Variants in GPC6 observed in about 807,000 individuals in gnomAD.
The protein encoded by GPC6 is glypican-6.
In GPC6, 14 loss-of-function variants were observed where a neutral mutation model predicts 55.2. The observed-to-expected ratio is 0.25, with a 90% CI of 0.17 to 0.40. The LOEUF (loss-of-function observed/expected upper bound fraction) is 0.40, where lower values mean the gene tolerates loss of function less well. Ranked by LOEUF, GPC6 falls within the 10% of genes least tolerant of loss-of-function variation. GPC6 has a pLI of 1.00. For missense variants in GPC6, 641 were observed against 708.5 expected (o/e 0.90, Z 1.08); for synonymous variants, 278 against 259.6 (o/e 1.07, Z -0.68).
chr13:93,374,360 C>T (rs1874798207), intron 1 of GPC6, among the ~76,000 whole-genome samples: 1 of 152,124 alleles, frequency 6.6e-6, no homozygotes, highest in Non-Finnish European at 1.5e-5. Flanking sequence ...CAAACACAGG[C>T]CCCCATCTTT....
intron 4 of GPC6, among the ~76,000 whole-genome samples, chr13:94,135,791 G>A (rs1245634431): frequency 6.6e-6 from 1 of 152,174 alleles, no homozygotes; most frequent in Non-Finnish European, 1.5e-5. Context: ...AAGACAAACA[G>A]CTCATCTCCA....
chr13:93,270,498 G>GT (rs1349066776), intron 1 of GPC6, among the ~76,000 whole-genome samples: 12 of 151,946 alleles, frequency 7.9e-5, no homozygotes, highest in African/African-American at 2.9e-4. Context: ...ATTAAACATT[G>GT]TTTTATTTCT....
In GPC6 at chr13:93,738,407, A is replaced by G. The variant is rs1012905486; in HGVS notation, c.320-91747A>G. Among the ~76,000 whole-genome samples the G allele has an allele frequency of 1.1e-4, 16 of 152,330 alleles. No individual in the cohort carries two copies. In the East Asian group the frequency reaches 3.1e-3, roughly 29 times the overall value. ...GTGACCATAAAGAATGATTTGGGTC[A>G]TTTCATGACAGTTTTTTCCCATATA... On this transcript the variant is annotated intron_variant, in intron 2 of 8. Transcript: ENST00000377047.
intron 4 of GPC6, among the ~76,000 whole-genome samples, chr13:94,049,731 A>C (rs1000364609): frequency 6.6e-6 from 1 of 152,154 alleles, no homozygotes; most frequent in Non-Finnish European, 1.5e-5. Context: ...CCATTTATTA[A>C]GGAGCTCCTC....
chr13:93,554,593 C>A (rs1356452434), intron 2 of GPC6, among the ~76,000 whole-genome samples: 1 of 152,180 alleles, frequency 6.6e-6, no homozygotes, highest in Non-Finnish European at 1.5e-5. Flanking sequence ...TTATCAAATG[C>A]ATTACAAATA....
intron 4 of GPC6, among the ~76,000 whole-genome samples, chr13:94,135,424 G>T (rs1306505409): frequency 2.0e-5 from 3 of 152,128 alleles, no homozygotes. Flanking sequence ...CATGTAGCTT[G>T]CTTGTGTTAT....
At chr13:93,228,408 G>A (rs182285793) in intron 1 of GPC6, among the ~76,000 whole-genome samples, 4 of 152,308 alleles carry the variant, frequency 2.6e-5, no homozygotes, top group Admixed American at 2.0e-4. Context: ...GCTCAGCTGG[G>A]GATTCGGGTC....
chr13:93,798,313 T>G (rs1163416668), intron 2 of GPC6, among the ~76,000 whole-genome samples: 1 of 152,178 alleles, frequency 6.6e-6, no homozygotes, highest in African/African-American at 2.4e-5. Context: ...TTACTTGACT[T>G]GTTGAACATG....
intron 2 of GPC6, among the ~76,000 whole-genome samples, chr13:93,613,730 G>A (rs750392303): frequency 5.3e-5 from 8 of 152,076 alleles, no homozygotes; most frequent in Non-Finnish European, 1.2e-4. Flanking sequence ...ATAAGAATAT[G>A]TCTTTGCAGA....
At chr13:93,792,081 G>A (rs980654433) in intron 2 of GPC6, among the ~76,000 whole-genome samples, 2 of 152,150 alleles carry the variant, frequency 1.3e-5, no homozygotes, top group South Asian at 2.1e-4. Context: ...TTCATTCTTA[G>A]CCATTAGAAA....
At chr13:93,264,932 A>G (rs1877275023) in intron 1 of GPC6, among the ~76,000 whole-genome samples, 2 of 152,192 alleles carry the variant, frequency 1.3e-5, no homozygotes, top group Admixed American at 6.5e-5. Context: ...GAATCCCTAT[A>G]TAGTAAGCCC....
intron 1 of GPC6, among the ~76,000 whole-genome samples, chr13:93,520,558 T>A (rs1051145259): frequency 3.3e-5 from 5 of 151,812 alleles, no homozygotes; most frequent in Admixed American, 3.3e-4. Context: ...AAAAAAACAC[T>A]TGAAGATTTT....
At chr13:93,851,670 A>G (rs1174911763) in intron 3 of GPC6, among the ~76,000 whole-genome samples, 1 of 151,852 alleles carries the variant, frequency 6.6e-6, no homozygotes, top group African/African-American at 2.4e-5. Flanking sequence ...TTAAAATTTA[A>G]TTGTATAATG....
chr13:94,356,169 T>C (rs756898360), intron 6 of GPC6, among the ~76,000 whole-genome samples: 11 of 152,226 alleles, frequency 7.2e-5, no homozygotes, highest in Non-Finnish European at 1.2e-4. Context: ...ACATGTACCA[T>C]ATTTTCTTTA....
chr13:93,242,241 C>T (rs1041006674), intron 1 of GPC6, among the ~76,000 whole-genome samples: 3 of 152,114 alleles, frequency 2.0e-5, no homozygotes, highest in Non-Finnish European at 4.4e-5. Context: ...AGGGAGTTCC[C>T]ATGAAATGCA....
intron 2 of GPC6, among the ~76,000 whole-genome samples, chr13:93,578,130 A>T (rs1241951938): frequency 6.6e-6 from 1 of 151,882 alleles, no homozygotes. Flanking sequence ...TTTTGCTTCT[A>T]TGTTCATCAA....
At chr13:94,037,272 C>T (rs1160279401) in intron 4 of GPC6, among the ~76,000 whole-genome samples, 4 of 151,860 alleles carry the variant, frequency 2.6e-5, no homozygotes, top group Admixed American at 6.6e-5. Context: ...TTAAAATGTT[C>T]GGCAAGTTCT....
intron 6 of GPC6, among the ~76,000 whole-genome samples, chr13:94,329,414 C>A (rs571523581): frequency 3.9e-5 from 6 of 152,296 alleles, no homozygotes; most frequent in South Asian, 4.1e-4. Context: ...CCTCGCAGTA[C>A]CGTCTGCAGC....
chr13:93,628,479 A>G (rs748422758), intron 2 of GPC6, among the ~76,000 whole-genome samples: 1 of 152,184 alleles, frequency 6.6e-6, no homozygotes, highest in Non-Finnish European at 1.5e-5. Flanking sequence ...AAGAGGTTTC[A>G]CTTGTAGCTG....
Sources: allele counts gnomAD v4.1 joint callset (sites outside exome capture counted in the v4.1 genomes callset), GRCh38; gene constraint gnomAD v4.1.1; transcripts MANE v1.5; gene names NCBI Gene and HGNC (gene_info 2026-07-23, HGNC 2026-07-21).